SHROOM2: variants seen among roughly 807,000 people sequenced by gnomAD.
The protein encoded by SHROOM2 is shroom family member 2, also known as protein Shroom2.
SHROOM2 carries 33 observed loss-of-function variants against 75.9 expected under a neutral mutation model. The observed-to-expected ratio is 0.43, with a 90% confidence interval of 0.33 to 0.58. The LOEUF is 0.58. Among genes scored for constraint, SHROOM2 ranks in the 20% least tolerant of loss-of-function variants. The pLI is 0.04. For synonymous variants in SHROOM2, 655 were observed against 663.6 expected (o/e 0.99, Z 0.20); for missense variants, 1,434 against 1,461.2 (o/e 0.98, Z 0.30).
chrX:9,925,018 T>G (rs1054670977), intron 5 of SHROOM2, among the ~76,000 whole-genome samples: 2 of 110,948 alleles, frequency 1.8e-5, no homozygotes, highest in Non-Finnish European at 3.8e-5. Context: ...TCACACTGTT[T>G]AAAATGTTTC....
intron 5 of SHROOM2, among the ~76,000 whole-genome samples, chrX:9,931,279 C>T (rs2084645971): frequency 9.1e-6 from 1 of 109,462 alleles, no homozygotes; most frequent in South Asian, 4.0e-4. Flanking sequence ...TTTGGGAGGC[C>T]GAGGCAGGTG....
At chrX:9,911,786 A>G (rs2084428480) in intron 5 of SHROOM2, among the ~76,000 whole-genome samples, 1 of 111,696 alleles carries the variant, frequency 9.0e-6, no homozygotes, top group Non-Finnish European at 1.9e-5. Flanking sequence ...TAATCAACCC[A>G]AGAATATATG....
intron 1 of SHROOM2, chrX:9,865,387 TTCTTTCCCTCC>T (rs1387854361): frequency 9.1e-6 from 1 of 110,090 alleles, no homozygotes. Flanking sequence ...GTAATCAGGT[TTCTTTCCCTCC>T]TGCTTCCTGG....
chrX:9,924,344 A>G (rs1463068556), intron 5 of SHROOM2, among the ~76,000 whole-genome samples: 2 of 112,319 alleles, frequency 1.8e-5, no homozygotes, highest in Non-Finnish European at 3.8e-5. Context: ...GGAAAGTCCT[A>G]TGGTAAATCA....
intron 1 of SHROOM2, among the ~76,000 whole-genome samples, chrX:9,863,879 G>C (rs1432626754): frequency 9.0e-6 from 1 of 111,557 alleles, no homozygotes; most frequent in African/African-American, 3.3e-5. Context: ...ATACAAAGCT[G>C]TTTCAATGTG....
chrX:9,850,316 T>C (rs2084031524), intron 1 of SHROOM2, among the ~76,000 whole-genome samples: 2 of 112,465 alleles, frequency 1.8e-5, no homozygotes, highest in South Asian at 7.3e-4. Flanking sequence ...TCATTTTCTT[T>C]TATTGATTAA....
chrX:9,807,587 C>G (rs2083761566), intron 1 of SHROOM2, among the ~76,000 whole-genome samples: 1 of 112,266 alleles, frequency 8.9e-6, no homozygotes, highest in African/African-American at 3.2e-5. Context: ...GAAATAAAAC[C>G]CGAGTTCAGG....
chrX:9,945,671 T>C (rs1005137130), intron 9 of SHROOM2, among the ~76,000 whole-genome samples: 2 of 111,674 alleles, frequency 1.8e-5, no homozygotes, highest in Non-Finnish European at 1.9e-5. Context: ...ATGATAGCTA[T>C]TTTCTTGTGG....
At chrX:9,819,732 C>T (rs1413953831) in intron 1 of SHROOM2, among the ~76,000 whole-genome samples, 2 of 110,638 alleles carry the variant, frequency 1.8e-5, no homozygotes, top group East Asian at 2.8e-4. Context: ...GTCCTTCATG[C>T]TTCCCTGTCA....
intron 2 of SHROOM2, among the ~76,000 whole-genome samples, chrX:9,882,308 A>G (rs1349775678): frequency 9.3e-6 from 1 of 107,604 alleles, no homozygotes; most frequent in East Asian, 2.9e-4. Flanking sequence ...AAAACGAGTC[A>G]TATTAATGAC....
chrX:9,830,355 G>C (rs974798497), intron 1 of SHROOM2, among the ~76,000 whole-genome samples: 3 of 110,542 alleles, frequency 2.7e-5, no homozygotes, highest in Non-Finnish European at 3.8e-5. Context: ...GAGTGCTGGC[G>C]CCTGGATGGT....
intron 1 of SHROOM2, among the ~76,000 whole-genome samples, chrX:9,830,028 A>G (rs1407637655): frequency 9.0e-6 from 1 of 111,320 alleles, no homozygotes; most frequent in Non-Finnish European, 1.9e-5. Flanking sequence ...TCACACTGGC[A>G]TGTCTTGGGC....
intron 1 of SHROOM2, among the ~76,000 whole-genome samples, chrX:9,837,608 G>T (rs938951161): frequency 8.9e-6 from 1 of 112,459 alleles, no homozygotes; most frequent in Admixed American, 9.4e-5. Context: ...GCTGGGCTGT[G>T]CTCTGAGACC....
chrX:9,804,742 G>A (rs2146733485), intron 1 of SHROOM2, among the ~76,000 whole-genome samples: 1 of 111,533 alleles, frequency 9.0e-6, no homozygotes, highest in African/African-American at 3.3e-5. Flanking sequence ...GAGGAACCAG[G>A]GTTTCCTTTT....
chrX:9,811,308 G>A lies in SHROOM2; in HGVS notation c.165+24598G>A, dbSNP rs765917306. 5.4e-5 allele frequency among the ~76,000 whole-genome samples: 6 copies of A among 111,858 alleles called. No individual in the cohort carries two copies. In the South Asian group the frequency reaches 2.3e-3, roughly 42 times the overall value. ...GTTGCTGAGTCCATGTGTAACCTCC[G>A]TCCCTGCCACCATGGCCACTTTGTT... On this transcript the variant is annotated intron_variant, in intron 1 of 9. Transcript: ENST00000380913.
intron 1 of SHROOM2, among the ~76,000 whole-genome samples, chrX:9,833,634 G>GTGTGTGTGTT (rs2083927889): frequency 9.1e-6 from 1 of 109,482 alleles, no homozygotes; most frequent in African/African-American, 3.4e-5. Flanking sequence ...GTGTGTGTGT[G>GTGTGTGTGTT]TGTGTGTGTG....
chrX:9,811,631 G>C (rs889107325), intron 1 of SHROOM2, among the ~76,000 whole-genome samples: 1 of 112,159 alleles, frequency 8.9e-6, no homozygotes, highest in Non-Finnish European at 1.9e-5. Flanking sequence ...CATGCAAAGT[G>C]CACAACCAGG....
intron 1 of SHROOM2, among the ~76,000 whole-genome samples, chrX:9,790,371 C>G (rs1441761877): frequency 8.9e-6 from 1 of 112,195 alleles, no homozygotes; most frequent in African/African-American, 3.2e-5. Context: ...CAAGAGCCAA[C>G]CAAGCTCTTT....
intron 1 of SHROOM2, among the ~76,000 whole-genome samples, chrX:9,834,710 A>G (rs1180167170): frequency 1.8e-5 from 2 of 111,254 alleles, no homozygotes; most frequent in African/African-American, 6.5e-5. Context: ...TAAAAAGAGC[A>G]TCTCACTGTT....
Sources: gnomAD v4.1 joint callset for allele counts (sites outside exome capture counted in the v4.1 genomes callset) on GRCh38, gnomAD v4.1.1 for gene constraint, MANE v1.5 for transcripts, NCBI Gene and HGNC (gene_info 2026-07-23, HGNC 2026-07-21) for gene names.